FRK: variants seen among roughly 807,000 people sequenced by gnomAD.
FRK encodes the protein fyn related Src family tyrosine kinase.
A neutral mutation model predicts 56.4 loss-of-function variants in FRK; 51 were observed. The observed-to-expected ratio is 0.90, with a 90% CI of 0.72 to 1.14. FRK has a LOEUF of 1.14. FRK is among the 50% of genes most tolerant of loss of function. FRK has a pLI of 0.00. For missense variants in FRK, 570 were observed against 601.4 expected (o/e 0.95, Z 0.55); for synonymous variants, 245 against 217.9 (o/e 1.12, Z -1.10).
chr6:115,958,951 T>A (rs528605744), intron 4 of FRK, among the ~76,000 whole-genome samples: 5 of 152,214 alleles, frequency 3.3e-5, no homozygotes, highest in African/African-American at 4.8e-5. Context: ...CATTCCCAAA[T>A]CAGACTATGC....
the FRK span, among the ~76,000 whole-genome samples, chr6:116,068,459 T>C: frequency 6.6e-6 from 1 of 152,178 alleles, no homozygotes; most frequent in African/African-American, 2.4e-5. Context: ...AATAAAAAAT[T>C]GTTTAATTAC....
chr6:115,953,345 A>G (rs1229843947), intron 5 of FRK, among the ~76,000 whole-genome samples: 1 of 149,926 alleles, frequency 6.7e-6, no homozygotes, highest in Non-Finnish European at 1.5e-5. Flanking sequence ...GCCCGCCACT[A>G]CGCCCGGCTA....
chr6:116,053,236 A>G (rs974730367), intron 1 of FRK, among the ~76,000 whole-genome samples: 4 of 152,224 alleles, frequency 2.6e-5, no homozygotes, highest in African/African-American at 9.6e-5. Flanking sequence ...ATTCACCAGA[A>G]GAACCCAAAG....
Position 115,939,247 on chromosome 6 carries a change from T to A in FRK, c.*3167A>T, listed in dbSNP as rs1772109407. 6.6e-6 allele frequency: 1 copy of A among 152,092 alleles called. No individual in the cohort carries two copies. The highest frequency in any genetic ancestry group is 6.5e-5 in the Admixed American group (1 of 15,276). The allele number at this position is 152,092 out of a possible 1,614,324, so 9.4% of individuals were successfully genotyped here. ...ACCAATGACAAAAACCACATGATGA[T>A]CTCAATAGATGCAGAAAATTTGATA... On this transcript the variant is annotated 3_prime_UTR_variant, in exon 8 of 8. Transcript: ENST00000606080.
chr6:116,069,011 A>G, the FRK span, among the ~76,000 whole-genome samples: 2 of 152,184 alleles, frequency 1.3e-5, no homozygotes, highest in Non-Finnish European at 2.9e-5. Flanking sequence ...TGTATATGCA[A>G]TCTCCCAGAA....
chr6:116,081,078 T>C, the FRK span, among the ~76,000 whole-genome samples: 4 of 152,166 alleles, frequency 2.6e-5, no homozygotes, highest in African/African-American at 7.2e-5. Flanking sequence ...AACTGCCCTT[T>C]TATAAAACCA....
At chr6:116,039,423 A>G in intron 1 of FRK, 1 of 1,574,668 alleles carries the variant, frequency 6.4e-7, no homozygotes, top group Non-Finnish European at 8.7e-7. Flanking sequence ...GCCAGCCTGA[A>G]GTGGATGGCT....
the FRK span, among the ~76,000 whole-genome samples, chr6:116,098,195 T>A: frequency 7.1e-6 from 1 of 140,178 alleles, no homozygotes; most frequent in African/African-American, 2.6e-5. Flanking sequence ...CACTGCAACC[T>A]CTGCCTCCCA....
the FRK span, among the ~76,000 whole-genome samples, chr6:116,080,718 G>A: frequency 3.0e-4 from 46 of 152,066 alleles, no homozygotes; most frequent in Non-Finnish European, 5.6e-4. Context: ...CAATTCATAG[G>A]CAAAGAAACA....
chr6:116,099,337 C>G, the FRK span, among the ~76,000 whole-genome samples: 1 of 152,204 alleles, frequency 6.6e-6, no homozygotes, highest in African/African-American at 2.4e-5. Context: ...AGCACCTACT[C>G]CCACATGAAA....
chr6:116,040,738 T>C (rs1371462517), intron 1 of FRK, among the ~76,000 whole-genome samples: 1 of 152,170 alleles, frequency 6.6e-6, no homozygotes, highest in East Asian at 1.9e-4. Flanking sequence ...AGATTTACTC[T>C]GACAATGGAA....
intron 4 of FRK, 129 bp downstream of exon 4, chr6:115,967,422 C>A: frequency 1.2e-6 from 1 of 817,844 alleles, no homozygotes; most frequent in Non-Finnish European, 1.9e-6. Flanking sequence ...GTCACCTGGG[C>A]TAGAGACAAT....
intron 4 of FRK, among the ~76,000 whole-genome samples, chr6:115,959,386 C>T (rs146075510): frequency 2.0e-5 from 3 of 152,104 alleles, no homozygotes; most frequent in African/African-American, 4.8e-5. Context: ...TAGAGAACAA[C>T]GTTAGGAAGG....
At chr6:115,954,011 T>A (rs1166264990) in intron 5 of FRK, among the ~76,000 whole-genome samples, 1 of 152,022 alleles carries the variant, frequency 6.6e-6, no homozygotes, top group Non-Finnish European at 1.5e-5. Flanking sequence ...GAGGAATACT[T>A]TAAGAGTCAG....
At chr6:115,993,553 A>C (rs1774703695) in intron 2 of FRK, among the ~76,000 whole-genome samples, 2 of 151,908 alleles carry the variant, frequency 1.3e-5, no homozygotes, top group South Asian at 4.1e-4. Context: ...ATTAATATAA[A>C]AGAGGGCTTG....
intron 5 of FRK, among the ~76,000 whole-genome samples, chr6:115,955,166 A>G (rs1410671306): frequency 1.3e-5 from 2 of 152,146 alleles, no homozygotes; most frequent in Admixed American, 6.5e-5. Flanking sequence ...GAACTCCAAG[A>G]TATTGAAGGG....
the FRK span, among the ~76,000 whole-genome samples, chr6:116,092,091 A>G: frequency 6.6e-6 from 1 of 152,124 alleles, no homozygotes; most frequent in Admixed American, 6.5e-5. Context: ...AGTTTCTCCT[A>G]TAAGAATGAT....
the FRK span, among the ~76,000 whole-genome samples, chr6:116,069,573 C>G: frequency 2.0e-5 from 3 of 152,136 alleles, no homozygotes; most frequent in Non-Finnish European, 4.4e-5. Context: ...GAGTTCTAAC[C>G]AGTTTAAAAA....
chr6:115,944,380 G>T lies in FRK; in HGVS notation c.1004C>A (p.Ala335Glu). ...KIHLTQQVDM[A>E]AQVASGMAYL... ...GGCCATTCCAGAGGCAACCTGTGCC[G>T]CCATGTCTACCTGTTGAGTCAGATG... The change falls in exon 6 of 8, where the codon GCG becomes GAG. Residue 335 changes from alanine to glutamate, a missense_variant. Physicochemically the swap from Ala to Glu is moderately radical, Grantham distance 107. Coordinates refer to ENST00000606080, the MANE Select transcript of FRK (RefSeq NM_002031.3). 6.2e-7 allele frequency: 1 copy of T among 1,612,108 alleles called. No homozygotes were observed. Among genetic ancestry groups the T allele is most frequent in the South Asian group, 1.1e-5 (1 of 90,844 alleles).
Sources: gnomAD v4.1 joint callset for allele counts (sites outside exome capture counted in the v4.1 genomes callset) on GRCh38, gnomAD v4.1.1 for gene constraint, MANE v1.5 for transcripts, NCBI Gene and HGNC (gene_info 2026-07-23, HGNC 2026-07-21) for gene names.